Variants in ATXN1 observed in about 807,000 individuals in gnomAD.
ATXN1 encodes the protein ataxin 1.
ATXN1 carries 8 observed loss-of-function variants against 56.4 expected under a neutral mutation model. The ratio of observed to expected loss-of-function variants is 0.14; its 90% CI spans 0.08 to 0.26. The LOEUF (loss-of-function observed/expected upper bound fraction) is 0.26, where lower values mean the gene tolerates loss of function less well. Among genes scored for constraint, ATXN1 ranks in the 10% least tolerant of loss-of-function variants. ATXN1 has a pLI of 1.00. For missense variants in ATXN1, 987 were observed against 1,106.5 expected (o/e 0.89, Z 1.53); for synonymous variants, 514 against 494.6 (o/e 1.04, Z -0.52).
chr6:16,558,778 A>G (rs1762061923), intron 4 of ATXN1, among the ~76,000 whole-genome samples: 1 of 152,222 alleles, frequency 6.6e-6, no homozygotes, highest in Admixed American at 6.5e-5. Flanking sequence ...GCCAAAAAAT[A>G]AAAATCTGAT....
chr6:16,521,853 A>G (rs1333259426), intron 5 of ATXN1, among the ~76,000 whole-genome samples: 1 of 152,210 alleles, frequency 6.6e-6, no homozygotes, highest in Non-Finnish European at 1.5e-5. Context: ...GACATCCATA[A>G]CAGAAGTGTT....
chr6:16,681,995 G>A (rs779124168), intron 2 of ATXN1, among the ~76,000 whole-genome samples: 4 of 152,198 alleles, frequency 2.6e-5, no homozygotes, highest in Admixed American at 1.3e-4. Context: ...AACCAGAAGC[G>A]AATCTTGAAC....
chr6:16,535,703 ACTTC>A (rs1258501889), intron 4 of ATXN1, among the ~76,000 whole-genome samples: 1 of 152,180 alleles, frequency 6.6e-6, no homozygotes, highest in Non-Finnish European at 1.5e-5. Context: ...GTGCACAGTG[ACTTC>A]CTTCCAACGA....
intron 4 of ATXN1, among the ~76,000 whole-genome samples, chr6:16,524,563 T>C (rs1030212263): frequency 2.0e-5 from 3 of 152,248 alleles, no homozygotes; most frequent in East Asian, 1.9e-4. Context: ...TTAAACTCTC[T>C]GAACCCTTTC....
chr6:16,383,091 T>C (rs1408499087), intron 6 of ATXN1, among the ~76,000 whole-genome samples: 4 of 152,150 alleles, frequency 2.6e-5, no homozygotes, highest in African/African-American at 9.7e-5. Context: ...CCCCACTCCC[T>C]ACCCCGCACC....
At chr6:16,730,988 G>A (rs1315657208) in intron 2 of ATXN1, among the ~76,000 whole-genome samples, 1 of 152,158 alleles carries the variant, frequency 6.6e-6, no homozygotes, top group South Asian at 2.1e-4. Context: ...ATAGAAGGAA[G>A]AAGCTTGGAC....
intron 3 of ATXN1, among the ~76,000 whole-genome samples, chr6:16,598,623 C>T (rs1297353373): frequency 1.3e-5 from 2 of 152,148 alleles, no homozygotes; most frequent in Admixed American, 6.6e-5. Context: ...CTGGTTTTCC[C>T]CTCTCTTTCT....
At chr6:16,480,997 G>A (rs1396950219) in intron 6 of ATXN1, among the ~76,000 whole-genome samples, 1 of 152,116 alleles carries the variant, frequency 6.6e-6, no homozygotes, top group Non-Finnish European at 1.5e-5. Flanking sequence ...ACACACCAGG[G>A]GCAATGGCCA....
Position 16,302,310 on chromosome 6 carries a change from A to G in ATXN1, c.*4019T>C, listed in dbSNP as rs1211675778. 1 of 152,274 alleles carries G rather than the reference A, an allele frequency of 6.6e-6. No individual in the cohort carries two copies. Among genetic ancestry groups the G allele is most frequent in the Non-Finnish European group, 1.5e-5 (1 of 68,038 alleles). 9.4% of individuals were successfully genotyped at this position (152,274 alleles called of 1,614,324 possible). On this transcript the variant is annotated 3_prime_UTR_variant, in exon 8 of 8. Coordinates refer to ENST00000436367, the MANE Select transcript of ATXN1 (RefSeq NM_001128164.2). ...TGCCACTTCCTGGTGGGGGGAAAAAACCCAACACACTCACCTAACAGAAAA... is the reference window on the plus strand; with the variant it reads ...TGCCACTTCCTGGTGGGGGGAAAAAGCCCAACACACTCACCTAACAGAAAA...
chr6:16,366,779 TGAAAAAAAAAAAAAAAGAAAAA>T (rs1375971311), intron 6 of ATXN1, among the ~76,000 whole-genome samples: 1 of 139,988 alleles, frequency 7.1e-6, no homozygotes, highest in Non-Finnish European at 1.5e-5. Context: ...AGACTCTGTC[TGAAAAAAAAAAAAAAAGAAAAA>T]GAAAAAAACA....
chr6:16,584,387 C>T (rs1045502556), intron 4 of ATXN1, among the ~76,000 whole-genome samples: 10 of 151,238 alleles, frequency 6.6e-5, no homozygotes, highest in East Asian at 3.9e-4. Flanking sequence ...TTATTAAATA[C>T]CTTTTTGCTC....
chr6:16,423,972 T>C (rs755142934), intron 6 of ATXN1, among the ~76,000 whole-genome samples: 1 of 152,234 alleles, frequency 6.6e-6, no homozygotes, highest in Non-Finnish European at 1.5e-5. Flanking sequence ...TGGCTGTGCC[T>C]ATAGCAGTTT....
chr6:16,526,064 T>TATATATATATATAC lies in ATXN1; in HGVS notation c.-360-3377_-360-3376insGTATATATATATAT, dbSNP rs370698828. 1.7e-3 allele frequency among the ~76,000 whole-genome samples: 232 copies of TATATATATATATAC among 133,290 alleles called. 1 individual carries two copies. The highest frequency in any genetic ancestry group is 6.6e-3 in the African/African-American group (216 of 32,528). 87.4% of individuals were successfully genotyped at this position (133,290 alleles called of 152,430 possible). A position where few individuals can be genotyped will look rare whatever the true frequency, so the allele number is the denominator to read the frequency against. Reference sequence around the variant, plus strand: ...ATCTATATATATATATATATATATATACATACATACAATCTATTTATAATG... The same window carrying TATATATATATATAC: ...ATCTATATATATATATATATATATATATATATATATATACACATACATACAATCTATTTATAATG... On this transcript the variant is annotated intron_variant, in intron 4 of 7. Coordinates refer to ENST00000436367, the MANE Select transcript of ATXN1 (RefSeq NM_001128164.2).
chr6:16,664,626 T>G (rs1050868766), intron 2 of ATXN1, among the ~76,000 whole-genome samples: 1 of 152,074 alleles, frequency 6.6e-6, no homozygotes, highest in Non-Finnish European at 1.5e-5. Flanking sequence ...AAATATATTT[T>G]ACCACAGAAC....
At chr6:16,759,431 G>C (rs1486568223) in intron 1 of ATXN1, among the ~76,000 whole-genome samples, 3 of 151,934 alleles carry the variant, frequency 2.0e-5, no homozygotes, top group Non-Finnish European at 4.4e-5. Flanking sequence ...GAACCAGTTT[G>C]GAGGAGTCCC....
intron 4 of ATXN1, among the ~76,000 whole-genome samples, chr6:16,571,616 T>C (rs546252405): frequency 6.6e-6 from 1 of 151,718 alleles, no homozygotes; most frequent in South Asian, 2.1e-4. Flanking sequence ...CTCAGCCTCC[T>C]GAGCAGCTAG....
intron 2 of ATXN1, among the ~76,000 whole-genome samples, chr6:16,667,845 A>C (rs1758458035): frequency 6.6e-6 from 1 of 152,234 alleles, no homozygotes; most frequent in Non-Finnish European, 1.5e-5. Context: ...CGTTAAAAAC[A>C]TACTGAACAC....
rs1581349833 is a variant in ATXN1, at chr6:16,670,443, T to C, written c.-614-12542A>G. On this transcript the variant is annotated intron_variant, in intron 2 of 7. Coordinates refer to ENST00000436367, the MANE Select transcript of ATXN1 (RefSeq NM_001128164.2). The stretch of plus-strand genomic sequence containing the variant: ...AAGAGGAAGGGGGATGTGAAACATA[T>C]ACAGTACATTACTCTCTGCGATCTT... 3.9e-5 allele frequency among the ~76,000 whole-genome samples: 6 copies of C among 152,274 alleles called. No homozygotes were observed. In the South Asian group the frequency reaches 8.3e-4, roughly 21 times the overall value.
rs144363905 is a variant in ATXN1 at position 16,333,345 on chromosome 6, C to T, written c.-160-4875G>A. 1.2e-4 allele frequency among the ~76,000 whole-genome samples: 18 copies of T among 152,176 alleles called. No homozygotes were observed. The South Asian group carries it at 1.5e-3, about 12-fold the overall frequency. On this transcript the variant is annotated intron_variant, in intron 6 of 7. Coordinates refer to ENST00000436367, the MANE Select transcript of ATXN1 (RefSeq NM_001128164.2). ...TTCTTTCTTTGCTATAATTTCATTTCGAGAAATTTTTTGCTATTACCATGG... is the reference window on the plus strand; with the variant it reads ...TTCTTTCTTTGCTATAATTTCATTTTGAGAAATTTTTTGCTATTACCATGG...
Sources: gnomAD v4.1 joint callset for allele counts (sites outside exome capture counted in the v4.1 genomes callset) on GRCh38, gnomAD v4.1.1 for gene constraint, MANE v1.5 for transcripts, NCBI Gene and HGNC (gene_info 2026-07-23, HGNC 2026-07-21) for gene names.